PCDH15: variants seen among roughly 807,000 people sequenced by gnomAD.
The protein encoded by PCDH15 is protocadherin-15.
A neutral mutation model predicts 178.5 loss-of-function variants in PCDH15; 129 were observed. The ratio of observed to expected loss-of-function variants is 0.72; its 90% CI spans 0.63 to 0.84. The LOEUF (loss-of-function observed/expected upper bound fraction) is 0.84, where lower values mean the gene tolerates loss of function less well. Among genes scored for constraint, PCDH15 ranks in the 40% least tolerant of loss-of-function variants. The probability of loss-of-function intolerance (pLI) is 0.00; values close to 1 mark genes in which losing one functional copy is unlikely to be tolerated. For missense variants in PCDH15, 2,230 were observed against 2,099.9 expected (o/e 1.06, Z -1.21); for synonymous variants, 800 against 732.0 (o/e 1.09, Z -1.50).
Position 55,087,767 on chromosome 10 carries a change from C to T in PCDH15, c.-80+78809G>A, listed in dbSNP as rs146992456. Among the ~76,000 whole-genome samples the T allele has an allele frequency of 8.2e-3, 1,250 of 152,060 alleles. 15 individuals carry two copies. The highest frequency in any genetic ancestry group is 0.027 in the African/African-American group (1,129 of 41,488). ...TGGATCACAACAGGATATCTTAAGC[C>T]CCAGAAGTCAGAACACAGAGTCTGC... On this transcript the variant is annotated intron_variant, in intron 2 of 5. Transcript: ENST00000458638.
At chr10:54,725,755 G>T (rs1942404167) in intron 1 of PCDH15, among the ~76,000 whole-genome samples, 1 of 151,218 alleles carries the variant, frequency 6.6e-6, no homozygotes, top group Non-Finnish European at 1.5e-5. Context: ...CTGATAAAAT[G>T]GGAATAATAC....
intron 3 of PCDH15, among the ~76,000 whole-genome samples, chr10:54,411,438 G>A (rs375726603): frequency 5.9e-5 from 9 of 152,072 alleles, no homozygotes; most frequent in African/African-American, 2.2e-4. Context: ...AATTCCTTAC[G>A]ATCTAGACTC....
At chr10:54,788,360 A>G (rs1232847883) in intron 1 of PCDH15, among the ~76,000 whole-genome samples, 1 of 151,904 alleles carries the variant, frequency 6.6e-6, no homozygotes, top group Non-Finnish European at 1.5e-5. Context: ...TAATCATGGG[A>G]TATCCAAATG....
intron 2 of PCDH15, among the ~76,000 whole-genome samples, chr10:55,118,036 T>C (rs7899461): frequency 0.093 from 14,190 of 152,148 alleles, 802 homozygotes; most frequent in East Asian, 0.26. Flanking sequence ...GATGTCTAAG[T>C]GGCTTGCCCT....
At chr10:55,210,878 G>A (rs1315734625) in intron 1 of PCDH15, among the ~76,000 whole-genome samples, 3 of 151,526 alleles carry the variant, frequency 2.0e-5, no homozygotes, top group Non-Finnish European at 4.4e-5. Flanking sequence ...CGCCCGCCTC[G>A]GCCTCCCAAA....
intron 17 of PCDH15, among the ~76,000 whole-genome samples, chr10:54,069,891 CAATT>C (rs1292063519): frequency 6.6e-6 from 1 of 152,032 alleles, no homozygotes; most frequent in Non-Finnish European, 1.5e-5. Flanking sequence ...CACATGTTCA[CAATT>C]AATTTTAAAT....
intron 2 of PCDH15, among the ~76,000 whole-genome samples, chr10:55,418,526 T>A (rs2132042555): frequency 6.6e-6 from 1 of 151,816 alleles, no homozygotes; most frequent in East Asian, 1.9e-4. Context: ...ACAGCGAGTG[T>A]AAGAAAATGT....
chr10:54,277,380 G>T (rs1051605615), intron 8 of PCDH15, among the ~76,000 whole-genome samples: 1 of 151,520 alleles, frequency 6.6e-6, no homozygotes, highest in Non-Finnish European at 1.5e-5. Context: ...CGCAGTGACA[G>T]GATATTTGAT....
intron 9 of PCDH15, among the ~76,000 whole-genome samples, chr10:54,220,499 AAG>A (rs1310844313): frequency 1.3e-5 from 2 of 152,178 alleles, no homozygotes; most frequent in Non-Finnish European, 2.9e-5. Context: ...CTGTTTCTGG[AAG>A]GTTGGTTTTT....
intron 2 of PCDH15, among the ~76,000 whole-genome samples, chr10:54,593,668 GTTCCATATAAATT>G (rs1034786109): frequency 6.6e-6 from 1 of 152,024 alleles, no homozygotes; most frequent in Non-Finnish European, 1.5e-5. Flanking sequence ...GTTTATTGTG[GTTCCATATAAATT>G]TTAGAATTTT....
rs559193058 is a variant in PCDH15 at position 54,369,129 on chromosome 10, T to A, written c.465A>T (p.Thr155=). Residue 155 remains threonine (T), a synonymous_variant, in exon 5 of 38, where the codon ACA becomes ACT. Coordinates refer to ENST00000644397, the MANE Select transcript of PCDH15 (RefSeq NM_001384140.1). Reference sequence around the variant, plus strand: ...GTAAATAGAAACTGACCTCATTCACTGTGGCATAGTAGCTTTCATGCTTGA... The same window carrying A: ...GTAAATAGAAACTGACCTCATTCACAGTGGCATAGTAGCTTTCATGCTTGA... The part of the protein sequence containing the change: ...PTFKHESYYA[T]VNELTPVGTT... The A allele has an allele frequency of 6.2e-7, 1 of 1,612,922 alleles. No individual in the cohort carries two copies. The highest frequency in any genetic ancestry group is 1.3e-5 in the African/African-American group (1 of 74,980).
intron 2 of PCDH15, among the ~76,000 whole-genome samples, chr10:55,048,929 T>C (rs887245171): frequency 6.6e-6 from 1 of 151,926 alleles, no homozygotes; most frequent in African/African-American, 2.4e-5. Flanking sequence ...ATTGTGAGTC[T>C]GTCTTGTTAT....
chr10:54,328,951 A>G (rs1225311609), intron 7 of PCDH15, among the ~76,000 whole-genome samples: 1 of 151,986 alleles, frequency 6.6e-6, no homozygotes, highest in African/African-American at 2.4e-5. Context: ...AAGCATGTCT[A>G]TGTTATATAA....
chr10:55,069,847 C>T lies in PCDH15; in HGVS notation c.-80+96729G>A, dbSNP rs558018529. Reference sequence around the variant, plus strand: ...TTCTAGTTCTAGATCCCTGAGGAACCGCCACACTGACTTCCACAATGGTTG... The same window carrying T: ...TTCTAGTTCTAGATCCCTGAGGAACTGCCACACTGACTTCCACAATGGTTG... On this transcript the variant is annotated intron_variant, in intron 2 of 5. Transcript: ENST00000458638. Among the ~76,000 whole-genome samples the T allele has an allele frequency of 3.3e-3, 503 of 151,798 alleles. 7 individuals are homozygous for T. Among genetic ancestry groups the T allele is most frequent in the African/African-American group, 0.011 (462 of 41,400 alleles).
chr10:55,470,555 A>G (rs1839934611), intron 2 of PCDH15, among the ~76,000 whole-genome samples: 1 of 152,162 alleles, frequency 6.6e-6, no homozygotes, highest in African/African-American at 2.4e-5. Context: ...TGTTAAGTTC[A>G]TAGCAATTCC....
intron 2 of PCDH15, among the ~76,000 whole-genome samples, chr10:54,627,566 A>C (rs887747832): frequency 6.6e-6 from 1 of 152,176 alleles, no homozygotes; most frequent in Non-Finnish European, 1.5e-5. Context: ...GCCATGTGGA[A>C]CTGTGAGTTT....
chr10:54,952,012 G>A lies in PCDH15; in HGVS notation c.-79-54512C>T, dbSNP rs146225591. On this transcript the variant is annotated intron_variant, in intron 2 of 5. Coordinates refer to the PCDH15 transcript ENST00000458638. ...TGGCTTCTCTTTTCATTCTTTTAAC[G>A]TATCTTGCACAGTTCAGAAGTTTTT... is the stretch of plus-strand genomic sequence containing the variant. Among the ~76,000 whole-genome samples the A allele has an allele frequency of 5.5e-3, 839 of 151,564 alleles. 4 individuals carry two copies. The highest frequency in any genetic ancestry group is 0.019 in the African/African-American group (804 of 41,356).
chr10:55,087,335 A>C (rs1473766610), intron 2 of PCDH15, among the ~76,000 whole-genome samples: 1 of 151,194 alleles, frequency 6.6e-6, no homozygotes, highest in Non-Finnish European at 1.5e-5. Context: ...GCCTTCAAAG[A>C]TGTGTCTTCA....
At chr10:54,658,721 C>T (rs1161190158) in intron 2 of PCDH15, among the ~76,000 whole-genome samples, 4 of 152,090 alleles carry the variant, frequency 2.6e-5, no homozygotes, top group Non-Finnish European at 5.9e-5. Flanking sequence ...TCCCATAAAG[C>T]AATTACACAA....
Sources: allele counts gnomAD v4.1 joint callset (sites outside exome capture counted in the v4.1 genomes callset), GRCh38; gene constraint gnomAD v4.1.1; transcripts MANE v1.5; gene names NCBI Gene and HGNC (gene_info 2026-07-23, HGNC 2026-07-21).